Variants in CLSTN2 observed in about 807,000 individuals in gnomAD.
CLSTN2 encodes the protein calsyntenin 2.
In CLSTN2, 48 loss-of-function variants were observed where a neutral mutation model predicts 101.2. The ratio of observed to expected loss-of-function variants is 0.47; its 90% CI spans 0.38 to 0.60. The LOEUF (loss-of-function observed/expected upper bound fraction) is 0.60. Ranked by LOEUF, CLSTN2 falls within the 20% of genes least tolerant of loss-of-function variation. The probability of loss-of-function intolerance (pLI) is 0.00; values close to 1 mark genes in which losing one functional copy is unlikely to be tolerated. For missense variants in CLSTN2, 1,160 were observed against 1,238.2 expected, an observed-to-expected ratio of 0.94 and a Z score of 0.95; for synonymous variants, 481 against 463.6, an observed-to-expected ratio of 1.04 and a Z score of -0.48.
At chr3:140,156,859 C>T (rs1307541370) in intron 1 of CLSTN2, among the ~76,000 whole-genome samples, 1 of 152,166 alleles carries the variant, frequency 6.6e-6, no homozygotes, top group East Asian at 1.9e-4. Context: ...CTTACTTTCC[C>T]TCACAAAATA....
At chr3:140,516,153 C>T (rs1934913428) in intron 8 of CLSTN2, among the ~76,000 whole-genome samples, 1 of 152,116 alleles carries the variant, frequency 6.6e-6, no homozygotes, top group African/African-American at 2.4e-5. Context: ...AGAATAGCTA[C>T]TCCTGCTCTG....
chr3:140,136,822 G>T (rs1278605978), intron 1 of CLSTN2, among the ~76,000 whole-genome samples: 3 of 152,184 alleles, frequency 2.0e-5, no homozygotes, highest in Admixed American at 6.5e-5. Context: ...CTGTGAGGAG[G>T]GGGTGATGTG....
intron 1 of CLSTN2, among the ~76,000 whole-genome samples, chr3:139,984,289 G>C (rs1935984906): frequency 6.6e-6 from 1 of 152,106 alleles, no homozygotes; most frequent in Non-Finnish European, 1.5e-5. Flanking sequence ...GGCTGCAGGT[G>C]GTCAGTATCC....
In CLSTN2 at chr3:140,063,610, A is replaced by G. The variant is rs76073806; in HGVS notation, c.110-112341A>G. ...TGGAAAATAAATCTTTTAAAAGTTA[A>G]ATATGTAAATGATAATTTAAAACCC... is the stretch of plus-strand genomic sequence containing the variant. On this transcript the variant is annotated intron_variant, in intron 1 of 16. Coordinates refer to ENST00000458420, the MANE Select transcript of CLSTN2 (RefSeq NM_022131.3). 6.9e-3 allele frequency among the ~76,000 whole-genome samples: 1,045 copies of G among 152,296 alleles called. 7 individuals are homozygous for G. The highest frequency in any genetic ancestry group is 0.012 in the Non-Finnish European group (810 of 68,032).
chr3:140,458,578 T>A (rs562420007), intron 6 of CLSTN2, among the ~76,000 whole-genome samples: 3 of 152,144 alleles, frequency 2.0e-5, no homozygotes, highest in Non-Finnish European at 4.4e-5. Flanking sequence ...GCCTCTCACC[T>A]CAGCACCCCC....
rs1383025799 is a variant in CLSTN2, at chr3:140,016,714, G to T, written c.109+81231G>T. Among the ~76,000 whole-genome samples, 3 of 144,636 alleles carry T rather than the reference G, an allele frequency of 2.1e-5. No homozygotes were observed. The Admixed American group carries it at 2.2e-4, about 10-fold the overall frequency. The allele number at this position is 144,636 out of a possible 152,430, so 94.9% of individuals were successfully genotyped here. ...CTCAAGAGGCTGAGGCAGGAGAATC[G>T]CTTGAACCTCAGAGGCGCAGTTTGC... On this transcript the variant is annotated intron_variant, in intron 1 of 16. Coordinates refer to ENST00000458420, the MANE Select transcript of CLSTN2 (RefSeq NM_022131.3).
intron 2 of CLSTN2, among the ~76,000 whole-genome samples, chr3:140,243,814 A>G (rs1303713989): frequency 6.6e-6 from 1 of 152,204 alleles, no homozygotes; most frequent in Non-Finnish European, 1.5e-5. Context: ...ATTTATAAAC[A>G]CATGAATATC....
Position 140,227,200 on chromosome 3 carries a change from G to A in CLSTN2, c.232+51127G>A, listed in dbSNP as rs193173658. 2.6e-5 allele frequency among the ~76,000 whole-genome samples: 4 copies of A among 152,298 alleles called. No individual in the cohort carries two copies. The South Asian group carries it at 8.3e-4, about 32-fold the overall frequency. ...AACCTGTAAAATCAAAAGCAAGTTA[G>A]TTACTTCCTAGATACAATGGGAGTA... On this transcript the variant is annotated intron_variant, in intron 2 of 16. Transcript: ENST00000458420.
intron 1 of CLSTN2, among the ~76,000 whole-genome samples, chr3:140,126,690 C>T (rs1321808152): frequency 6.6e-6 from 1 of 152,180 alleles, no homozygotes; most frequent in Admixed American, 6.5e-5. Context: ...CAATATTTTC[C>T]TAATGACCTG....
chr3:140,008,312 C>A (rs1280038366), intron 1 of CLSTN2, among the ~76,000 whole-genome samples: 3 of 152,254 alleles, frequency 2.0e-5, no homozygotes, highest in Non-Finnish European at 2.9e-5. Flanking sequence ...ATCATTGCCC[C>A]TGGTATCATT....
intron 1 of CLSTN2, among the ~76,000 whole-genome samples, chr3:140,040,259 T>C (rs923807227): frequency 2.6e-5 from 4 of 152,176 alleles, no homozygotes; most frequent in African/African-American, 9.7e-5. Flanking sequence ...CAGATGGCAC[T>C]GCGCTATCCG....
At chr3:140,109,184 A>G (rs1283609521) in intron 1 of CLSTN2, among the ~76,000 whole-genome samples, 1 of 152,140 alleles carries the variant, frequency 6.6e-6, no homozygotes, top group Non-Finnish European at 1.5e-5. Context: ...TCCTTGCCCC[A>G]ATGTAACAGG....
chr3:140,450,177 G>A (rs1214838494), intron 6 of CLSTN2: 1 of 152,072 alleles, frequency 6.6e-6, no homozygotes, highest in Non-Finnish European at 1.5e-5. Flanking sequence ...CCATTTTAGA[G>A]GTGAAAAATT....
chr3:140,425,273 C>T (rs769714456), intron 5 of CLSTN2, among the ~76,000 whole-genome samples: 1 of 152,196 alleles, frequency 6.6e-6, no homozygotes, highest in Non-Finnish European at 1.5e-5. Context: ...CAGCTGGAGC[C>T]TTTCCTTCCT....
At position 140,562,315 on chromosome 3, in the gene CLSTN2, C is replaced by A; in HGVS notation, c.2212+7C>A. On this transcript the variant is annotated splice_region_variant and intron_variant, in intron 13 of 16. Transcript: ENST00000458420. Reference sequence around the variant, plus strand: ...GCAGGCTACTCCATCTACGGTAAGGCCACACTCAGCCCCCTTTGCCCCAAG... The same window carrying A: ...GCAGGCTACTCCATCTACGGTAAGGACACACTCAGCCCCCTTTGCCCCAAG... 3.1e-6 allele frequency: 5 copies of A among 1,609,086 alleles called. No individual in the cohort carries two copies. Among genetic ancestry groups the A allele is most frequent in the Non-Finnish European group, 4.2e-6 (5 of 1,178,176 alleles).
chr3:140,022,724 T>A (rs1213350241), intron 1 of CLSTN2, among the ~76,000 whole-genome samples: 1 of 152,150 alleles, frequency 6.6e-6, no homozygotes, highest in Non-Finnish European at 1.5e-5. Flanking sequence ...TATGTAATAG[T>A]GATAGACCCC....
At chr3:140,138,795 T>C (rs2009653925) in intron 1 of CLSTN2, among the ~76,000 whole-genome samples, 1 of 152,202 alleles carries the variant, frequency 6.6e-6, no homozygotes, top group African/African-American at 2.4e-5. Flanking sequence ...AAGTGAGTGG[T>C]AGAAGATGAG....
At chr3:140,465,877 G>A (rs1330207162) in intron 7 of CLSTN2, among the ~76,000 whole-genome samples, 1 of 152,162 alleles carries the variant, frequency 6.6e-6, no homozygotes. Flanking sequence ...GATGTCTGGT[G>A]TGTTCGATAA....
intron 1 of CLSTN2, among the ~76,000 whole-genome samples, chr3:139,969,308 T>C (rs1399727764): frequency 6.6e-6 from 1 of 152,222 alleles, no homozygotes; most frequent in Non-Finnish European, 1.5e-5. Context: ...CTTTTCAGTG[T>C]CACTGCCTAC....
Sources: allele counts gnomAD v4.1 joint callset (sites outside exome capture counted in the v4.1 genomes callset), GRCh38; gene constraint gnomAD v4.1.1; transcripts MANE v1.5; gene names NCBI Gene and HGNC (gene_info 2026-07-23, HGNC 2026-07-21).